The following NUP160 variants were observed in gnomAD, a reference collection of about 807,000 sequenced individuals.
NUP160 encodes nuclear pore complex protein Nup160.
In NUP160, 94 loss-of-function variants were observed where a neutral mutation model predicts 196.9. The observed-to-expected ratio is 0.48, with a 90% CI of 0.40 to 0.57. The LOEUF is 0.57. NUP160 is among the 20% of genes least tolerant of loss of function. The probability of loss-of-function intolerance (pLI) is 0.00; values close to 1 mark genes in which losing one functional copy is unlikely to be tolerated. For synonymous variants in NUP160, 605 were observed against 619.7 expected, an observed-to-expected ratio of 0.98 and a Z score of 0.35; for missense variants, 1,638 against 1,748.3, an observed-to-expected ratio of 0.94 and a Z score of 1.13.
At chr11:47,812,121 G>A (rs774923940) in exon 17 of NUP160, 2 of 1,614,100 alleles carry the variant, frequency 1.2e-6, no homozygotes, top group Non-Finnish European at 1.7e-6. Flanking sequence ...TGCAGATCAG[G>A]AAACGAGTAC....
chr11:47,817,559 A>G (rs758860633), intron 11 of NUP160, among the ~76,000 whole-genome samples: 42 of 151,180 alleles, frequency 2.8e-4, no homozygotes, highest in Non-Finnish European at 5.2e-4. Flanking sequence ...GTTGGCCAGG[A>G]TGGTCTCGAT....
At chr11:47,827,132 C>T (rs777169206) in intron 7 of NUP160, 34 of 455,842 alleles carry the variant, frequency 7.5e-5, no homozygotes, top group South Asian at 3.7e-4. Context: ...ATTGGGAAGC[C>T]GAGGTGGGTG....
intron 7 of NUP160, 61 bp from the exon 8 acceptor site, chr11:47,822,225 C>T (rs1599334212): frequency 1.7e-6 from 2 of 1,195,574 alleles, no homozygotes; most frequent in African/African-American, 1.5e-5. Flanking sequence ...CTTTTCGAAG[C>T]AAGGGCTATT....
chr11:47,817,911 A>C, intron 11 of NUP160, 145 bp downstream of exon 11: 1 of 550,424 alleles, frequency 1.8e-6, no homozygotes, highest in Non-Finnish European at 3.3e-6. Flanking sequence ...AACATTAAAA[A>C]AATTATAAAA....
intron 9 of NUP160, 102 bp from the exon 10 acceptor site, chr11:47,819,560 C>T (rs139296830): frequency 1.1e-5 from 7 of 629,110 alleles, no homozygotes; most frequent in African/African-American, 9.4e-5. Flanking sequence ...TCACGGAACC[C>T]GGCAATGACT....
At chr11:47,812,015 C>A (rs2135374775) in intron 17 of NUP160, 49 bp downstream of exon 17, 4 of 1,578,760 alleles carry the variant, frequency 2.5e-6, no homozygotes, top group East Asian at 4.5e-5. Flanking sequence ...TGCTTGTAGG[C>A]CTATAACAGG....
At chr11:47,811,699 G>T (rs1204279299) in intron 17 of NUP160, among the ~76,000 whole-genome samples, 1 of 151,858 alleles carries the variant, frequency 6.6e-6, no homozygotes, top group African/African-American at 2.4e-5. Flanking sequence ...AAGTTCCAGG[G>T]TACATGGGCA....
At chr11:47,817,217 C>A (rs1430748937) in intron 11 of NUP160, among the ~76,000 whole-genome samples, 1 of 151,772 alleles carries the variant, frequency 6.6e-6, no homozygotes, top group African/African-American at 2.4e-5. Flanking sequence ...CTCCTGGGCT[C>A]AAGTGATCTT....
intron 23 of NUP160, among the ~76,000 whole-genome samples, chr11:47,800,289 G>C (rs1171435827): frequency 6.0e-5 from 9 of 150,532 alleles, no homozygotes; most frequent in Non-Finnish European, 1.3e-4. Context: ...ATTATATAAA[G>C]CACATAATAC....
exon 22 of NUP160, chr11:47,803,484 C>T (rs1376544284): frequency 6.2e-7 from 1 of 1,612,520 alleles, no homozygotes; most frequent in Non-Finnish European, 8.5e-7. Flanking sequence ...CAGCATAAAT[C>T]GACAGGAACC....
chr11:47,826,314 A>T (rs1851966970), intron 7 of NUP160, among the ~76,000 whole-genome samples: 1 of 152,200 alleles, frequency 6.6e-6, no homozygotes, highest in Admixed American at 6.5e-5. Context: ...AAAATACTAT[A>T]AGTTCACTAT....
Position 47,812,296 on chromosome 11 carries a change from A to G in NUP160, c.2080+6T>C, listed in dbSNP as rs772564411. 8.1e-6 allele frequency: 13 copies of G among 1,613,886 alleles called. No individual in the cohort carries two copies. The Middle Eastern group carries it at 1.2e-3, about 143-fold the overall frequency. ...AAAGAGGCACATTTGTTGTTCTGTC[A>G]TTTACCTGGATTGAATCCCTTTTCC... is the stretch of plus-strand genomic sequence containing the variant. On this transcript the variant is annotated splice_donor_region_variant and intron_variant, in intron 16 of 35. Coordinates refer to ENST00000378460, the Ensembl canonical transcript of NUP160.
Position 47,779,150 on chromosome 11 carries a change from T to G in NUP160, c.4266A>C (p.Lys1422Asn), listed in dbSNP as rs980955283. The G allele has an allele frequency of 5.0e-6, 8 of 1,613,550 alleles. No individual in the cohort carries two copies. Among genetic ancestry groups the G allele is most frequent in the Non-Finnish European group, 6.8e-6 (8 of 1,179,722 alleles). The change falls in exon 36 of 36, where the codon AAA becomes AAC. Residue 1422 changes from lysine (K) to asparagine (N), a missense_variant. Transcript: ENST00000378460. ...ATAAATCCCGTGTTGCCTTATCAACTTTTTGCTGGTAGTCCTCCAATTTGT... is the reference window on the plus strand; with the variant it reads ...ATAAATCCCGTGTTGCCTTATCAACGTTTTGCTGGTAGTCCTCCAATTTGT...
intron 27 of NUP160, among the ~76,000 whole-genome samples, chr11:47,793,374 C>A (rs945032145): frequency 2.0e-4 from 31 of 151,886 alleles, no homozygotes; most frequent in African/African-American, 6.8e-4. Context: ...TTTGATGTAA[C>A]CCCTGCCCCC....
chr11:47,837,252 CTTTCTA>C (rs771073716), intron 5 of NUP160, among the ~76,000 whole-genome samples: 6 of 152,054 alleles, frequency 3.9e-5, no homozygotes, highest in Non-Finnish European at 8.8e-5. Context: ...CCATCAAAAA[CTTTCTA>C]TTTCTAATAA....
In NUP160 at chr11:47,792,992, T is replaced by C. The variant is rs777208774; in HGVS notation, c.3290-46A>G. The stretch of plus-strand genomic sequence containing the variant: ...AGACTTTAGAACTTCCAAATTTTTT[T>C]TTCTTTTTTTTGGAGACAGAGTCTT... On this transcript the variant is annotated intron_variant, in intron 27 of 35. Transcript: ENST00000378460. 3.8e-6 allele frequency: 6 copies of C among 1,562,118 alleles called. No homozygotes were observed. The Admixed American group carries it at 5.7e-5, about 15-fold the overall frequency.
At chr11:47,788,995 G>A (rs996067597) in intron 29 of NUP160, among the ~76,000 whole-genome samples, 1 of 151,780 alleles carries the variant, frequency 6.6e-6, no homozygotes, top group Admixed American at 6.6e-5. Context: ...TCCTGCCTCA[G>A]CCTTCCGAGT....
chr11:47,786,413 G>T, intron 32 of NUP160, 40 bp downstream of exon 32: 1 of 1,298,660 alleles, frequency 7.7e-7, no homozygotes, highest in South Asian at 1.2e-5. Context: ...ACAGCTTTTA[G>T]AAAGGCAAAA....
intron 15 of NUP160, 31 bp from the exon 16 acceptor site, chr11:47,812,460 T>C (rs1431042024): frequency 6.3e-7 from 1 of 1,596,462 alleles, no homozygotes; most frequent in East Asian, 2.2e-5. Context: ...CTCTTATTAC[T>C]ACCGAGAATA....
Sources: allele counts gnomAD v4.1 joint callset (sites outside exome capture counted in the v4.1 genomes callset), GRCh38; gene constraint gnomAD v4.1.1; transcripts MANE v1.5; gene names NCBI Gene and HGNC (gene_info 2026-07-23, HGNC 2026-07-21).